LPP: variants seen among roughly 807,000 people sequenced by gnomAD.
LPP encodes lipoma-preferred partner.
LPP carries 38 observed loss-of-function variants against 60.4 expected under a neutral mutation model. That is an observed-to-expected ratio of 0.63 (90% CI 0.49 to 0.83). The LOEUF (loss-of-function observed/expected upper bound fraction) is 0.83, where lower values mean the gene tolerates loss of function less well. LPP is among the 40% of genes least tolerant of loss of function. The pLI, the probability that LPP is intolerant of heterozygous loss-of-function variation, is 0.00. For missense variants in LPP, 902 were observed against 783.6 expected (o/e 1.15, Z -1.80); for synonymous variants, 328 against 290.8 (o/e 1.13, Z -1.30).
chr3:188,371,630 TATATATA>T (rs1773134977), intron 3 of LPP, among the ~76,000 whole-genome samples: 1 of 30,178 alleles, frequency 3.3e-5, no homozygotes, highest in African/African-American at 7.7e-5. Context: ...TATATATATA[TATATATA>T]TATATTTTTT....
intron 3 of LPP, among the ~76,000 whole-genome samples, chr3:188,356,607 A>G (rs1036582513): frequency 3.3e-5 from 5 of 152,160 alleles, no homozygotes; most frequent in Admixed American, 6.5e-5. Flanking sequence ...TAAGTGATCT[A>G]GAGTCAGTGG....
At chr3:188,214,534 G>A (rs1577331250) in intron 1 of LPP, among the ~76,000 whole-genome samples, 2 of 152,212 alleles carry the variant, frequency 1.3e-5, no homozygotes, top group Admixed American at 1.3e-4. Flanking sequence ...AGATGTAATA[G>A]AGCAGAGGAA....
chr3:188,562,873 C>T (rs1438316246), intron 6 of LPP, among the ~76,000 whole-genome samples: 1 of 151,926 alleles, frequency 6.6e-6, no homozygotes, highest in Non-Finnish European at 1.5e-5. Flanking sequence ...AAGTTGAAAA[C>T]AAATGATTTG....
intron 4 of LPP, among the ~76,000 whole-genome samples, chr3:188,417,647 G>A (rs1407690240): frequency 6.6e-6 from 1 of 152,178 alleles, no homozygotes; most frequent in Non-Finnish European, 1.5e-5. Context: ...GGTAGCTTCA[G>A]AGAGGAAGGA....
At chr3:188,719,884 AGT>A (rs1390217698) in intron 8 of LPP, among the ~76,000 whole-genome samples, 1 of 151,966 alleles carries the variant, frequency 6.6e-6, no homozygotes, top group African/African-American at 2.4e-5. Context: ...ACATCTCTGG[AGT>A]TGTACTTGGT....
At chr3:188,455,583 T>C (rs1176746170) in intron 4 of LPP, among the ~76,000 whole-genome samples, 1 of 152,214 alleles carries the variant, frequency 6.6e-6, no homozygotes. Flanking sequence ...AGACAGAGAC[T>C]GTGATTGAAA....
intron 8 of LPP, among the ~76,000 whole-genome samples, chr3:188,732,674 C>T (rs1441338000): frequency 2.2e-5 from 3 of 136,726 alleles, no homozygotes; most frequent in Non-Finnish European, 4.6e-5. Context: ...GCCAAGATCA[C>T]ACCACTGTGT....
intron 9 of LPP, among the ~76,000 whole-genome samples, chr3:188,851,896 C>G (rs1008590757): frequency 7.9e-5 from 12 of 152,152 alleles, no homozygotes; most frequent in Non-Finnish European, 4.4e-5. Flanking sequence ...GGCGTGGTGG[C>G]TCATGCCTTT....
intron 9 of LPP, among the ~76,000 whole-genome samples, chr3:188,848,906 C>T (rs943215239): frequency 6.7e-6 from 1 of 150,076 alleles, no homozygotes; most frequent in African/African-American, 2.5e-5. Flanking sequence ...GCGGAGGTTG[C>T]AGTGAGCTGA....
At chr3:188,475,391 C>T (rs895489317) in intron 4 of LPP, among the ~76,000 whole-genome samples, 6 of 152,072 alleles carry the variant, frequency 3.9e-5, no homozygotes, top group Non-Finnish European at 8.8e-5. Context: ...GTAGATTCTG[C>T]GATTCATTTT....
At chr3:188,578,279 T>C (rs1486301514) in intron 6 of LPP, among the ~76,000 whole-genome samples, 1 of 151,984 alleles carries the variant, frequency 6.6e-6, no homozygotes, top group African/African-American at 2.4e-5. Flanking sequence ...TTCTCTTCCT[T>C]TCCTTTTTTC....
At chr3:188,184,745 A>C (rs926960910) in intron 1 of LPP, among the ~76,000 whole-genome samples, 1 of 150,220 alleles carries the variant, frequency 6.7e-6, no homozygotes, top group East Asian at 2.0e-4. Context: ...TTTGTAATTC[A>C]ATAAGCATTT....
intron 9 of LPP, among the ~76,000 whole-genome samples, chr3:188,800,480 C>T (rs968725151): frequency 1.1e-4 from 16 of 151,954 alleles, no homozygotes; most frequent in African/African-American, 2.4e-4. Context: ...CTCCTGACCT[C>T]GTGATCCGCC....
intron 9 of LPP, among the ~76,000 whole-genome samples, chr3:188,845,745 C>G (rs928764159): frequency 6.6e-6 from 1 of 152,132 alleles, no homozygotes; most frequent in African/African-American, 2.4e-5. Flanking sequence ...TTGTTTCTGC[C>G]AGAGAATGAC....
At chr3:188,595,917 T>C (rs925089619) in intron 6 of LPP, among the ~76,000 whole-genome samples, 3 of 151,982 alleles carry the variant, frequency 2.0e-5, no homozygotes, top group African/African-American at 7.3e-5. Context: ...AAGACAGGCG[T>C]GAGAGAGAGA....
At chr3:188,269,359 C>T (rs959820770) in intron 2 of LPP, among the ~76,000 whole-genome samples, 4 of 152,200 alleles carry the variant, frequency 2.6e-5, no homozygotes, top group Admixed American at 1.3e-4. Flanking sequence ...TCTTTTCCTG[C>T]TCCGATCATT....
At chr3:188,623,129 A>G (rs1362950390) in intron 7 of LPP, among the ~76,000 whole-genome samples, 2 of 152,062 alleles carry the variant, frequency 1.3e-5, no homozygotes, top group East Asian at 3.8e-4. Context: ...TTAAAACAAA[A>G]ATTACATAAG....
chr3:188,157,657 G>C (rs184936781), intron 1 of LPP, among the ~76,000 whole-genome samples: 66 of 152,264 alleles, frequency 4.3e-4, no homozygotes, highest in African/African-American at 1.5e-3. Flanking sequence ...CCCTGCCTTT[G>C]AGGAGCACAC....
intron 9 of LPP, among the ~76,000 whole-genome samples, chr3:188,786,711 A>G (rs1577548612): frequency 6.6e-6 from 1 of 152,200 alleles, no homozygotes; most frequent in Non-Finnish European, 1.5e-5. Context: ...GAATGGTTAA[A>G]CGGTGGCACA....
Sources: allele counts gnomAD v4.1 joint callset (sites outside exome capture counted in the v4.1 genomes callset), GRCh38; gene constraint gnomAD v4.1.1; transcripts MANE v1.5; gene names NCBI Gene and HGNC (gene_info 2026-07-23, HGNC 2026-07-21).